The following PARP10 variants were observed in gnomAD, a reference collection of about 807,000 sequenced individuals.
The protein encoded by PARP10 is poly(ADP-ribose) polymerase family member 10, also known as protein mono-ADP-ribosyltransferase PARP10.
PARP10 carries 56 observed loss-of-function variants against 82.4 expected under a neutral mutation model. The ratio of observed to expected loss-of-function variants is 0.68; its 90% CI spans 0.55 to 0.85. The LOEUF (loss-of-function observed/expected upper bound fraction) is 0.85. PARP10 is among the 40% of genes least tolerant of loss of function. PARP10 has a pLI of 0.00. For missense variants in PARP10, 1,227 were observed against 1,379.4 expected, an observed-to-expected ratio of 0.89 and a Z score of 1.75; for synonymous variants, 576 against 601.1, an observed-to-expected ratio of 0.96 and a Z score of 0.61.
At chr8:143,979,215 C>T (rs545398391) in intron 9 of PARP10, among the ~76,000 whole-genome samples, 16 of 152,098 alleles carry the variant, frequency 1.1e-4, no homozygotes, top group Admixed American at 7.2e-4. Context: ...CCTCGTGATC[C>T]GCCCGCCTCA....
At chr8:144,003,479 T>C (rs1484827173) in intron 1 of PARP10, among the ~76,000 whole-genome samples, 6 of 148,700 alleles carry the variant, frequency 4.0e-5, no homozygotes, top group African/African-American at 1.5e-4. Context: ...TCAGAAATTA[T>C]ACAAACATTT....
upstream of PARP10, chr8:143,992,136 A>C: frequency 6.2e-7 from 1 of 1,600,478 alleles, no homozygotes; most frequent in Non-Finnish European, 8.6e-7. Flanking sequence ...CCACACGCCC[A>C]CTCTTCCGGG....
chr8:143,993,890 G>A (rs782206811), upstream of PARP10, among the ~76,000 whole-genome samples: 7 of 152,308 alleles, frequency 4.6e-5, no homozygotes, highest in East Asian at 5.8e-4. Flanking sequence ...TGGAGATCCC[G>A]TCCAAGAGCT....
rs1833993600 is a variant in PARP10 at position 143,986,424 on chromosome 8, G to A, written c.-65C>T. The A allele has an allele frequency of 6.2e-6, 10 of 1,613,536 alleles. No homozygotes were observed. The highest frequency in any genetic ancestry group is 8.5e-6 in the Non-Finnish European group (10 of 1,179,564). ...CCAGGACTCCTGTGCCTGCCCCTCAGCAAGCCTAACCCTGCTGGGAGCAGG... is the reference window on the plus strand; with the variant it reads ...CCAGGACTCCTGTGCCTGCCCCTCAACAAGCCTAACCCTGCTGGGAGCAGG... On this transcript the variant is annotated 5_prime_UTR_variant, in exon 1 of 11. Transcript: ENST00000313028.
At position 143,986,336 on chromosome 8, in the gene PARP10, T is replaced by C. The variant is rs1564254222; in HGVS notation, c.2+22A>G. 3 of 1,614,014 alleles carry C rather than the reference T, an allele frequency of 1.9e-6. No individual in the cohort carries two copies. In the South Asian group the frequency reaches 3.3e-5, roughly 18 times the overall value. On this transcript the variant is annotated intron_variant, in intron 1 of 10. Transcript: ENST00000313028. The stretch of plus-strand genomic sequence containing the variant: ...GTCCTCAATGCTCCCCCATTATGGG[T>C]GGCCCCACATACAGCACTTACATTC...
At chr8:143,978,833 G>A (rs1435360739) in intron 9 of PARP10, among the ~76,000 whole-genome samples, 1 of 152,150 alleles carries the variant, frequency 6.6e-6, no homozygotes, top group Admixed American at 6.5e-5. Flanking sequence ...CAGGGAAGAC[G>A]CTTCCCTGAG....
intron 9 of PARP10, 122 bp downstream of exon 9, chr8:143,982,810 T>G (rs1033542375): frequency 5.5e-6 from 8 of 1,442,962 alleles, no homozygotes; most frequent in Non-Finnish European, 7.5e-6. Flanking sequence ...GCTGGGAGCC[T>G]GTCAGCTCCT....
At chr8:143,996,509 C>A (rs1193988242) in intron 1 of PARP10, among the ~76,000 whole-genome samples, 1 of 152,214 alleles carries the variant, frequency 6.6e-6, no homozygotes, top group Non-Finnish European at 1.5e-5. Context: ...GGCCACTGTT[C>A]TGCAGCTCTG....
Position 143,986,126 on chromosome 8 carries a change from G to C in PARP10, c.110C>G (p.Ser37Cys), listed in dbSNP as rs1554749308. 1 of 1,614,154 alleles carries C rather than the reference G, an allele frequency of 6.2e-7. No individual in the cohort carries two copies. Among genetic ancestry groups the C allele is most frequent in the Admixed American group, 1.7e-5 (1 of 60,026 alleles). Residue 37 changes from serine to cysteine, a missense_variant, in exon 2 of 11, where the codon TCT becomes TGT. By Grantham distance (112) the Ser-to-Cys change is moderately radical (BLOSUM62 -1). Coordinates refer to ENST00000313028, the MANE Select transcript of PARP10 (RefSeq NM_032789.5). The stretch of plus-strand genomic sequence containing the variant: ...CCAGCTCAACACAGGTCCCCCTCCA[G>C]AGCGTCGGCGGTTTTCAAAGTAGAG... ...LTLYFENRRR[S>C]GGGPVLSWQR...
chr8:144,001,833 G>A (rs370756681), intron 1 of PARP10, among the ~76,000 whole-genome samples: 27 of 151,900 alleles, frequency 1.8e-4, no homozygotes, highest in South Asian at 1.0e-3. Context: ...TTGGAGACCA[G>A]CCTGGACAAC....
At chr8:144,007,327 T>C (rs114773390) in intron 1 of PARP10, among the ~76,000 whole-genome samples, 10 of 152,290 alleles carry the variant, frequency 6.6e-5, no homozygotes, top group African/African-American at 2.4e-4. Flanking sequence ...ATCCCTCCTC[T>C]TGTGGGGACT....
At position 143,977,998 on chromosome 8, in the gene PARP10, C is replaced by T; in HGVS notation, c.2640G>A (p.Pro880=). 1 of 1,591,720 alleles carries T rather than the reference C, an allele frequency of 6.3e-7. No homozygotes were observed. ...ERLLQRCERR[P]VEQVLYHGTT... is the part of the protein sequence containing the mutation. ...TGCCGTGGTACAGCACCTGCTCCACCGGGCGCCGCTCGCATCGCTGCAGCA... is the reference window on the plus strand; with the variant it reads ...TGCCGTGGTACAGCACCTGCTCCACTGGGCGCCGCTCGCATCGCTGCAGCA... The change falls in exon 10 of 11, where the codon CCG becomes CCA. Residue 880 remains proline (P), a synonymous_variant. Coordinates refer to ENST00000313028, the MANE Select transcript of PARP10 (RefSeq NM_032789.5).
chr8:143,990,024 T>C (rs1834063294), upstream of PARP10: 2 of 132,454 alleles, frequency 1.5e-5, no homozygotes, highest in South Asian at 2.5e-4. The surrounding 1 kb of genome is among the most constrained non-coding windows in gnomAD (Gnocchi z 5.6). Context: ...ACCCCGAAGC[T>C]CGCCCGGCCC....
intron 9 of PARP10, among the ~76,000 whole-genome samples, chr8:143,979,749 G>C (rs1471211454): frequency 6.6e-6 from 1 of 152,148 alleles, no homozygotes; most frequent in African/African-American, 2.4e-5. Flanking sequence ...CGTCTCGCTG[G>C]GCATGGTGGC....
At position 143,984,209 on chromosome 8, in the gene PARP10, C is replaced by T. The variant is rs1554748553; in HGVS notation, c.1680+1G>A. Reference sequence around the variant, plus strand: ...GGGCAGGGGTGGGACTCCATCTCTACCTCTTCAAGGCCTGTGTCCAACGTG... The same window carrying T: ...GGGCAGGGGTGGGACTCCATCTCTATCTCTTCAAGGCCTGTGTCCAACGTG... On this transcript the variant is annotated splice_donor_variant, in intron 6 of 10. Transcript: ENST00000313028. LOFTEE classifies it high-confidence loss of function. 12 of 1,611,532 alleles carry T rather than the reference C, an allele frequency of 7.4e-6. No homozygotes were observed. The highest frequency in any genetic ancestry group is 1.1e-5 in the South Asian group (1 of 90,982).
At chr8:143,986,258 G>C in intron 1 of PARP10, 25 bp from the exon 2 acceptor site, 1 of 1,613,698 alleles carries the variant, frequency 6.2e-7, no homozygotes, top group South Asian at 1.1e-5. Flanking sequence ...CAGGTGGGTA[G>C]GGAAACAGCC....
Position 143,985,535 on chromosome 8 carries a change from C to T in PARP10, c.550G>A (p.Val184Met), listed in dbSNP as rs147014611. Residue 184 changes from valine (V) to methionine (M), a missense_variant, in exon 4 of 11, where the codon GTG (valine) becomes ATG (methionine). Coordinates refer to ENST00000313028, the MANE Select transcript of PARP10 (RefSeq NM_032789.5). Reference sequence around the variant, plus strand: ...TACAACTCCAGCAACAGCAGGTCCACAGAGGCACCATCCCCCACCACACGC... The same window carrying T: ...TACAACTCCAGCAACAGCAGGTCCATAGAGGCACCATCCCCCACCACACGC... ...AVRVVGDGASVDLLLLELYLE... is the reference protein window; with the variant it reads ...AVRVVGDGASMDLLLLELYLE... 3.1e-6 allele frequency: 5 copies of T among 1,613,956 alleles called. No individual in the cohort carries two copies. In the African/African-American group the frequency reaches 6.7e-5, roughly 22 times the overall value.
At position 143,984,680 on chromosome 8, in the gene PARP10, T is replaced by C. The variant is rs1554748737; in HGVS notation, c.1322A>G (p.Glu441Gly). The change falls in exon 5 of 11, where the codon GAG becomes GGG. Residue 441 changes from glutamate (E) to glycine (G), a missense_variant. Coordinates refer to ENST00000313028, the MANE Select transcript of PARP10 (RefSeq NM_032789.5). ...CAATAGCACCATCTCCACCAGGCCCTCCTGCCCTGCCAGCTTCACACATCC... is the reference window on the plus strand; with the variant it reads ...CAATAGCACCATCTCCACCAGGCCCCCCTGCCCTGCCAGCTTCACACATCC... The part of the protein sequence containing the change: ...SPGCVKLAGQ[E>G]GLVEMVLLME... 1 of 1,613,868 alleles carries C rather than the reference T, an allele frequency of 6.2e-7. No homozygotes were observed. The highest frequency in any genetic ancestry group is 8.5e-7 in the Non-Finnish European group (1 of 1,179,940).
intron 1 of PARP10, among the ~76,000 whole-genome samples, chr8:143,998,335 C>A (rs1302472187): frequency 6.6e-6 from 1 of 152,184 alleles, no homozygotes; most frequent in Non-Finnish European, 1.5e-5. Context: ...CCAGACAGAG[C>A]TTTAGCAAAA....
Sources: allele counts gnomAD v4.1 joint callset (sites outside exome capture counted in the v4.1 genomes callset), GRCh38; gene constraint gnomAD v4.1.1; non-coding constraint Gnocchi (gnomAD v3.1); transcripts MANE v1.5; gene names NCBI Gene and HGNC (gene_info 2026-07-23, HGNC 2026-07-21).